The following ARHGAP28 variants were observed in gnomAD, a reference collection of about 807,000 sequenced individuals.
ARHGAP28 encodes the protein Rho GTPase activating protein 28.
A neutral mutation model predicts 90.7 loss-of-function variants in ARHGAP28; 56 were observed. The ratio of observed to expected loss-of-function variants is 0.62; its 90% CI spans 0.50 to 0.77. The LOEUF (loss-of-function observed/expected upper bound fraction) is 0.77, where lower values mean the gene tolerates loss of function less well. Ranked by LOEUF, ARHGAP28 falls within the 30% of genes least tolerant of loss-of-function variation. The pLI, the probability that ARHGAP28 is intolerant of heterozygous loss-of-function variation, is 0.00. For synonymous variants in ARHGAP28, 308 were observed against 323.3 expected (o/e 0.95, Z 0.51); for missense variants, 869 against 900.9 (o/e 0.96, Z 0.45).
chr18:6,756,756 A>G (rs139941982), intron 1 of ARHGAP28, among the ~76,000 whole-genome samples: 83 of 152,312 alleles, frequency 5.4e-4, no homozygotes, highest in African/African-American at 1.9e-3. Flanking sequence ...GTCTTTGGCC[A>G]AAGTCTGAGA....
At chr18:6,910,956 T>A (rs1046102238) in intron 17 of ARHGAP28, among the ~76,000 whole-genome samples, 2 of 151,832 alleles carry the variant, frequency 1.3e-5, no homozygotes, top group Non-Finnish European at 2.9e-5. Flanking sequence ...GCCATTCTCC[T>A]GCCTCAGCCT....
chr18:6,834,674 A>G (rs943089066), intron 2 of ARHGAP28: 4 of 152,236 alleles, frequency 2.6e-5, no homozygotes, highest in African/African-American at 9.7e-5. Flanking sequence ...ACAGCAATCC[A>G]CAAGAGAGAG....
intron 3 of ARHGAP28, among the ~76,000 whole-genome samples, chr18:6,841,157 T>TTCTCTCTCTCCTCTTTCTCTCTCTCCTC (rs2056809102): frequency 1.4e-5 from 1 of 70,282 alleles, no homozygotes; most frequent in African/African-American, 6.1e-5. Flanking sequence ...TCTCTCCTCT[T>TTCTCTCTCTCCTCTTTCTCTCTCTCCTC]TCTCTCTCTC....
At chr18:6,872,297 T>G (rs1371208516) in intron 7 of ARHGAP28, among the ~76,000 whole-genome samples, 1 of 152,228 alleles carries the variant, frequency 6.6e-6, no homozygotes, top group Non-Finnish European at 1.5e-5. Context: ...TGTTATGTGT[T>G]ACTATTATAT....
Position 6,894,875 on chromosome 18 carries a change from C to T in ARHGAP28, c.1889C>T (p.Pro630Leu), listed in dbSNP as rs1391227134. ...PKTSKVLQKS[P>L]SARRMSDVPE... ...ACTTCAAAGGTACTGCAAAAATCAC[C>T]CTCGGCAAGACGAATGGTAAGAAAA... The change falls in exon 15 of 18, where the codon CCC (proline) becomes CTC (leucine). Residue 630 changes from proline (P) to leucine (L), a missense_variant. Physicochemically the swap from Pro to Leu is moderately conservative, Grantham distance 98. Coordinates refer to ENST00000383472, the MANE Select transcript of ARHGAP28 (RefSeq NM_001366230.1). The T allele has an allele frequency of 6.2e-7, 1 of 1,614,020 alleles. No homozygotes were observed. The highest frequency in any genetic ancestry group is 8.5e-7 in the Non-Finnish European group (1 of 1,179,992).
chr18:6,862,197 G>A (rs1447156541), intron 5 of ARHGAP28, among the ~76,000 whole-genome samples: 1 of 152,146 alleles, frequency 6.6e-6, no homozygotes, highest in Non-Finnish European at 1.5e-5. Flanking sequence ...TGGTTATAAG[G>A]AACCACAGGG....
At chr18:6,869,287 T>C (rs1049068913) in intron 6 of ARHGAP28, among the ~76,000 whole-genome samples, 6 of 147,734 alleles carry the variant, frequency 4.1e-5, no homozygotes, top group Non-Finnish European at 4.5e-5. Context: ...TGAGATGGAG[T>C]TTCGCTCTTG....
chr18:6,894,977 G>T, intron 15 of ARHGAP28, 86 bp downstream of exon 15: 2 of 1,276,382 alleles, frequency 1.6e-6, no homozygotes, highest in South Asian at 1.2e-5. Context: ...TATAATGTTG[G>T]TCATGAACTA....
intron 14 of ARHGAP28, among the ~76,000 whole-genome samples, 193 bp downstream of exon 14, chr18:6,890,736 A>G (rs540657400): frequency 3.5e-4 from 54 of 152,300 alleles, no homozygotes; most frequent in African/African-American, 1.2e-3. Context: ...GTTGAGAGTT[A>G]TGTGCTTTTT....
intron 1 of ARHGAP28, among the ~76,000 whole-genome samples, chr18:6,764,376 G>A (rs1274003850): frequency 6.6e-6 from 1 of 152,192 alleles, no homozygotes; most frequent in Non-Finnish European, 1.5e-5. Flanking sequence ...TGTATGTAGG[G>A]TTTGGCATTA....
At chr18:6,775,621 T>C (rs1363125478) in intron 1 of ARHGAP28, among the ~76,000 whole-genome samples, 1 of 152,228 alleles carries the variant, frequency 6.6e-6, no homozygotes, top group Non-Finnish European at 1.5e-5. Context: ...CTGGATGTGT[T>C]CATTTGTGAA....
At chr18:6,763,663 T>C (rs1274794807) in intron 1 of ARHGAP28, among the ~76,000 whole-genome samples, 1 of 152,182 alleles carries the variant, frequency 6.6e-6, no homozygotes, top group African/African-American at 2.4e-5. Context: ...CACTGACCTA[T>C]CAGCCAGTGT....
intron 6 of ARHGAP28, among the ~76,000 whole-genome samples, chr18:6,868,635 G>C (rs2057057040): frequency 6.6e-6 from 1 of 152,034 alleles, no homozygotes. Flanking sequence ...CTGCTGGGGA[G>C]GCTTTTATCT....
intron 2 of ARHGAP28, among the ~76,000 whole-genome samples, chr18:6,827,514 C>T (rs1363192938): frequency 2.2e-5 from 3 of 138,900 alleles, no homozygotes; most frequent in African/African-American, 8.1e-5. Flanking sequence ...CCTCACCTCC[C>T]GGACGGGGCG....
chr18:6,854,455 T>G (rs2056936194), intron 4 of ARHGAP28, among the ~76,000 whole-genome samples: 1 of 152,216 alleles, frequency 6.6e-6, no homozygotes, highest in Admixed American at 6.5e-5. Context: ...CTAAGAATAA[T>G]TTTCTTTCTT....
chr18:6,910,088 C>T (rs1426044410), intron 17 of ARHGAP28, among the ~76,000 whole-genome samples: 1 of 152,162 alleles, frequency 6.6e-6, no homozygotes, highest in African/African-American at 2.4e-5. Flanking sequence ...CACACTCTGC[C>T]CCTCAGCACT....
In ARHGAP28 at chr18:6,730,743, A is replaced by G. The variant is rs537017223; in HGVS notation, c.122+800A>G. Among the ~76,000 whole-genome samples the G allele has an allele frequency of 2.0e-5, 3 of 152,330 alleles. No individual in the cohort carries two copies. In the East Asian group the frequency reaches 5.8e-4, roughly 29 times the overall value. On this transcript the variant is annotated intron_variant, in intron 1 of 17. Coordinates refer to ENST00000383472, the MANE Select transcript of ARHGAP28 (RefSeq NM_001366230.1). ...GTATTATGATGAGTGAGATGGTTAGATATTTGATACATATTTGGGGGAAGT... is the reference window on the plus strand; with the variant it reads ...GTATTATGATGAGTGAGATGGTTAGGTATTTGATACATATTTGGGGGAAGT...
chr18:6,899,068 AT>A (rs1216987963), intron 16 of ARHGAP28, among the ~76,000 whole-genome samples: 1 of 152,192 alleles, frequency 6.6e-6, no homozygotes, highest in Non-Finnish European at 1.5e-5. Context: ...TTACAAAAAA[AT>A]CTTGCCCTAT....
chr18:6,892,813 A>C (rs1050341272), intron 14 of ARHGAP28, among the ~76,000 whole-genome samples: 2 of 152,200 alleles, frequency 1.3e-5, no homozygotes, highest in African/African-American at 4.8e-5. Context: ...TGGAACTGAA[A>C]AACCTCCCAG....
Sources: allele counts gnomAD v4.1 joint callset (sites outside exome capture counted in the v4.1 genomes callset), GRCh38; gene constraint gnomAD v4.1.1; transcripts MANE v1.5; gene names NCBI Gene and HGNC (gene_info 2026-07-23, HGNC 2026-07-21).